Variants in FUBP3 observed in about 807,000 individuals in gnomAD.
FUBP3 encodes far upstream element binding protein 3.
A neutral mutation model predicts 85.6 loss-of-function variants in FUBP3; 28 were observed. The observed-to-expected ratio is 0.33, with a 90% CI of 0.24 to 0.45. The LOEUF (loss-of-function observed/expected upper bound fraction) is 0.45, where lower values mean the gene tolerates loss of function less well. Ranked by LOEUF, FUBP3 falls within the 20% of genes least tolerant of loss-of-function variation. The pLI, the probability that FUBP3 is intolerant of heterozygous loss-of-function variation, is 1.00. For synonymous variants in FUBP3, 271 were observed against 271.4 expected, an observed-to-expected ratio of 1.00 and a Z score of 0.01; for missense variants, 583 against 755.1, an observed-to-expected ratio of 0.77 and a Z score of 2.67.
chr9:130,611,106 A>T (rs971830700), intron 3 of FUBP3, among the ~76,000 whole-genome samples: 1 of 152,246 alleles, frequency 6.6e-6, no homozygotes, highest in Non-Finnish European at 1.5e-5. Context: ...CTTAGGGCCA[A>T]GGGCTGCCTG....
intron 12 of FUBP3, among the ~76,000 whole-genome samples, chr9:130,629,602 G>A (rs1041345083): frequency 5.3e-5 from 8 of 152,132 alleles, no homozygotes; most frequent in African/African-American, 1.9e-4. Flanking sequence ...GTAGAGAGAA[G>A]CTTGGAGTGT....
At position 130,596,563 on chromosome 9, in the gene FUBP3, A is replaced by G. The variant is rs894674633; in HGVS notation, c.190+975A>G. The G allele has an allele frequency of 1.9e-4, 54 of 286,830 alleles. No homozygotes were observed. In the Admixed American group the frequency reaches 2.7e-3, roughly 14 times the overall value. The allele number at this position is 286,830 out of a possible 1,614,324, so 17.8% of individuals were successfully genotyped here. ...GATGGGATCACACTCTGCTCAGGCT[A>G]GAGTGCAGTGGCGCCGTTGAACTCC... On this transcript the variant is annotated intron_variant, in intron 2 of 18. Coordinates refer to ENST00000319725, the MANE Select transcript of FUBP3 (RefSeq NM_003934.2).
intron 3 of FUBP3, among the ~76,000 whole-genome samples, chr9:130,611,256 G>C (rs1255401265): frequency 6.6e-6 from 1 of 152,162 alleles, no homozygotes. Context: ...ACGCACAAGA[G>C]CCCTGTCATC....
rs887938205 is a variant in FUBP3, at chr9:130,612,387, T to A, written c.225-69T>A. The A allele has an allele frequency of 1.5e-5, 14 of 955,156 alleles. No individual in the cohort carries two copies. Among genetic ancestry groups the A allele is most frequent in the Non-Finnish European group, 2.4e-5 (14 of 595,452 alleles). The allele number at this position is 955,156 out of a possible 1,614,324, so 59.2% of individuals were successfully genotyped here. A position where few individuals can be genotyped will look rare whatever the true frequency, so the allele number is the denominator to read the frequency against. On this transcript the variant is annotated intron_variant, in intron 3 of 18. Transcript: ENST00000319725. This position sits in a 1 kb window ranked among gnomAD's most constrained non-coding sequence, Gnocchi z 4.1. ...CATGCAACATTGCCAGTATGGGCAG[T>A]TTGGGGACCTAAAATGGCTGCAAAA...
chr9:130,600,015 C>A (rs1272517934), intron 2 of FUBP3, among the ~76,000 whole-genome samples: 2 of 152,100 alleles, frequency 1.3e-5, no homozygotes, highest in Non-Finnish European at 2.9e-5. Context: ...AGAAACCTGT[C>A]CTCTTCCTTA....
At chr9:130,629,244 G>C (rs1379978560) in intron 12 of FUBP3, among the ~76,000 whole-genome samples, 4 of 152,200 alleles carry the variant, frequency 2.6e-5, no homozygotes, top group African/African-American at 9.7e-5. Context: ...GGTGTCCCCA[G>C]ACAGGCGGGT....
chr9:130,595,503 A>G lies in FUBP3; in HGVS notation c.105A>G (p.Ser35=), dbSNP rs1239569013. 1 of 1,562,548 alleles carries G rather than the reference A, an allele frequency of 6.4e-7. No individual in the cohort carries two copies. The highest frequency in any genetic ancestry group is 8.8e-7 in the Non-Finnish European group (1 of 1,132,898). The change falls in exon 2 of 19, where the codon TCA becomes TCG. Residue 35 remains serine, a synonymous_variant. Transcript: ENST00000319725. ...TGTAGATTGCTGCTAAAATTGATTCAATTCCTCACTTGAATAATTCCACAC... is the reference window on the plus strand; with the variant it reads ...TGTAGATTGCTGCTAAAATTGATTCGATTCCTCACTTGAATAATTCCACAC... ...RVRQIAAKID[S]IPHLNNSTPL...
chr9:130,605,644 T>G (rs1219852899), intron 2 of FUBP3, among the ~76,000 whole-genome samples: 5 of 151,838 alleles, frequency 3.3e-5, no homozygotes, highest in East Asian at 1.9e-4. Context: ...TGGCTGGGGG[T>G]GGTGGTCTTT....
rs759513565 is a variant in FUBP3 at position 130,616,421 on chromosome 9, C to T, written c.471C>T (p.Asp157=). 6.2e-7 allele frequency: 1 copy of T among 1,613,846 alleles called. No homozygotes were observed. The highest frequency in any genetic ancestry group is 1.3e-5 in the African/African-American group (1 of 74,904). ...RCRNGPGFHN[D]IDSNSTIQEI... is the part of the protein sequence containing the mutation. ...GAAATGGACCTGGCTTTCATAATGA[C>T]ATAGACAGCAACAGCACAATCCAGG... The change falls in exon 7 of 19, where the codon GAC becomes GAT. Residue 157 remains aspartate, a synonymous_variant. Coordinates refer to ENST00000319725, the MANE Select transcript of FUBP3 (RefSeq NM_003934.2). This position sits in a 1 kb window ranked among gnomAD's most constrained non-coding sequence, Gnocchi z 4.7.
intron 2 of FUBP3, among the ~76,000 whole-genome samples, chr9:130,600,337 T>C (rs1049404849): frequency 2.6e-5 from 4 of 152,216 alleles, no homozygotes; most frequent in African/African-American, 9.6e-5. Context: ...CTCTTCATGC[T>C]CAAGTTCTCC....
chr9:130,634,674 GAGCCAGCCGCAGAGC>G lies in FUBP3; in HGVS notation c.1527_1541del (p.Gln510_Pro514del), dbSNP rs1166984599. 1.2e-6 allele frequency: 2 copies of G among 1,613,418 alleles called. No homozygotes were observed. On this transcript the variant is annotated inframe_deletion, in exon 17 of 19. Coordinates refer to ENST00000319725, the MANE Select transcript of FUBP3 (RefSeq NM_003934.2). Reference sequence around the variant, plus strand: ...TTTGTGTTCTTCGCACAGGCCAGCAGAGCCAGCCGCAGAGCAGCCAGCCCAACTACAGCAAGGCCT... The same window carrying G: ...TTTGTGTTCTTCGCACAGGCCAGCAGAGCCAGCCCAACTACAGCAAGGCCT...
intron 8 of FUBP3, 63 bp downstream of exon 8, chr9:130,617,958 A>G (rs1832091931): frequency 1.4e-6 from 1 of 733,984 alleles, no homozygotes; most frequent in East Asian, 2.6e-5. Flanking sequence ...GTGGTACCCT[A>G]GAGCTTTTAT....
rs188015503 is a variant in FUBP3, at chr9:130,612,075, A to G, written c.225-381A>G. Among the ~76,000 whole-genome samples, 2 of 152,330 alleles carry G rather than the reference A, an allele frequency of 1.3e-5. No homozygotes were observed. Among genetic ancestry groups the G allele is most frequent in the South Asian group, 2.1e-4 (1 of 4,826 alleles). ...ACAATAGAAGTCTAAACATCTCCCAAAACCCTGGAGGACCTTTCAGTGACC... is the reference window on the plus strand; with the variant it reads ...ACAATAGAAGTCTAAACATCTCCCAGAACCCTGGAGGACCTTTCAGTGACC... On this transcript the variant is annotated intron_variant, in intron 3 of 18. Coordinates refer to ENST00000319725, the MANE Select transcript of FUBP3 (RefSeq NM_003934.2). This position sits in a 1 kb window ranked among gnomAD's most constrained non-coding sequence, Gnocchi z 4.1.
rs539690688 is a variant in FUBP3 at position 130,601,494 on chromosome 9, G to C, written c.190+5906G>C. ...GGTGGCACCAAAACCAGGACTTCAG[G>C]AGAGTACAGCACTGTCCTCACCACT... is the stretch of plus-strand genomic sequence containing the variant. On this transcript the variant is annotated intron_variant, in intron 2 of 18. Transcript: ENST00000319725. 3.9e-5 allele frequency among the ~76,000 whole-genome samples: 6 copies of C among 152,260 alleles called. No individual in the cohort carries two copies. The South Asian group carries it at 8.3e-4, about 21-fold the overall frequency.
intron 2 of FUBP3, among the ~76,000 whole-genome samples, chr9:130,606,712 CG>C (rs1831469673): frequency 1.3e-5 from 2 of 152,042 alleles, no homozygotes; most frequent in South Asian, 4.1e-4. Context: ...CCCAGCTACT[CG>C]GGAAGCTGAG....
At chr9:130,593,494 T>C (rs561605624) in intron 1 of FUBP3, among the ~76,000 whole-genome samples, 2 of 152,350 alleles carry the variant, frequency 1.3e-5, no homozygotes, top group South Asian at 2.1e-4. Context: ...CTATGAAATA[T>C]ATGGTATTAC....
At chr9:130,619,293 T>C (rs985339186) in intron 8 of FUBP3, among the ~76,000 whole-genome samples, 2 of 149,368 alleles carry the variant, frequency 1.3e-5, no homozygotes, top group Non-Finnish European at 1.5e-5. Flanking sequence ...ATTTTAAAAC[T>C]GTATATTTCA....
chr9:130,617,086 G>A (rs1369504413), intron 7 of FUBP3, among the ~76,000 whole-genome samples: 2 of 152,140 alleles, frequency 1.3e-5, no homozygotes, highest in African/African-American at 2.4e-5. Context: ...GGGACCAAAC[G>A]GGTTTCAGAA....
At chr9:130,609,925 T>C (rs765342237) in intron 2 of FUBP3, 29 bp from the exon 3 acceptor site, 1 of 1,494,034 alleles carries the variant, frequency 6.7e-7, no homozygotes, top group South Asian at 1.2e-5. Flanking sequence ...AATGCTTTGA[T>C]TTTTTTTTTC....
Sources: allele counts gnomAD v4.1 joint callset (sites outside exome capture counted in the v4.1 genomes callset), GRCh38; gene constraint gnomAD v4.1.1; non-coding constraint Gnocchi (gnomAD v3.1); transcripts MANE v1.5; gene names NCBI Gene and HGNC (gene_info 2026-07-23, HGNC 2026-07-21).